HMCN1: variants seen among roughly 807,000 people sequenced by gnomAD.
The protein encoded by HMCN1 is hemicentin-1.
A neutral mutation model predicts 625.9 loss-of-function variants in HMCN1; 321 were observed. That is an observed-to-expected ratio of 0.51 (90% CI 0.47 to 0.56). HMCN1 has a LOEUF of 0.56. HMCN1 is among the 20% of genes least tolerant of loss of function. The pLI, the probability that HMCN1 is intolerant of heterozygous loss-of-function variation, is 0.00. For missense variants in HMCN1, 6,588 were observed against 6,887.3 expected, an observed-to-expected ratio of 0.96 and a Z score of 1.54; for synonymous variants, 2,425 against 2,417.6, an observed-to-expected ratio of 1.00 and a Z score of -0.09.
intron 5 of HMCN1, among the ~76,000 whole-genome samples, chr1:185,911,021 A>G (rs1666387051): frequency 6.6e-6 from 1 of 152,156 alleles, no homozygotes; most frequent in Non-Finnish European, 1.5e-5. Flanking sequence ...TCAGTAGGCA[A>G]TGGTATCATG....
intron 42 of HMCN1, 31 bp from the exon 43 acceptor site, chr1:186,052,921 G>A (rs775135596): frequency 1.5e-5 from 24 of 1,556,564 alleles, no homozygotes; most frequent in Middle Eastern, 1.7e-4. Flanking sequence ...TATGAAATGA[G>A]TGGAAAAATC....
At chr1:186,188,554 T>C (rs1198076353) in intron 106 of HMCN1, among the ~76,000 whole-genome samples, 1 of 152,174 alleles carries the variant, frequency 6.6e-6, no homozygotes, top group Admixed American at 6.5e-5. Flanking sequence ...CTGTTTTCTC[T>C]CTCCCCTTCC....
intron 46 of HMCN1, among the ~76,000 whole-genome samples, chr1:186,059,410 G>A (rs977890980): frequency 6.6e-6 from 1 of 152,024 alleles, no homozygotes; most frequent in African/African-American, 2.4e-5. Flanking sequence ...AGTGAAAAAG[G>A]CAAGCTAAAG....
At chr1:186,136,350 G>A (rs957080482) in intron 86 of HMCN1, among the ~76,000 whole-genome samples, 1 of 152,166 alleles carries the variant, frequency 6.6e-6, no homozygotes, top group African/African-American at 2.4e-5. Flanking sequence ...ATCCTCTGAA[G>A]TAGGCACCAT....
chr1:185,747,183 G>A (rs1337722754), intron 1 of HMCN1, among the ~76,000 whole-genome samples: 1 of 152,060 alleles, frequency 6.6e-6, no homozygotes, highest in Non-Finnish European at 1.5e-5. Flanking sequence ...ATTTGCATTA[G>A]GGACTATCAT....
intron 1 of HMCN1, among the ~76,000 whole-genome samples, chr1:185,810,680 G>T (rs188769352): frequency 1.3e-5 from 2 of 151,988 alleles, no homozygotes; most frequent in Admixed American, 1.3e-4. Flanking sequence ...GTGTGTGTGT[G>T]TGTGTGTGTA....
At chr1:186,087,177 C>A in intron 58 of HMCN1, 40 bp from the exon 59 acceptor site, 1 of 1,247,786 alleles carries the variant, frequency 8.0e-7, no homozygotes, top group Non-Finnish European at 1.2e-6. Flanking sequence ...TTAGAACAAC[C>A]TGTATACCAC....
intron 3 of HMCN1, among the ~76,000 whole-genome samples, chr1:185,865,312 C>T (rs1273125778): frequency 6.6e-6 from 1 of 152,098 alleles, no homozygotes; most frequent in Admixed American, 6.6e-5. Flanking sequence ...TCATTTTTGC[C>T]TCATGCTATT....
chr1:186,034,469 G>A (rs1274586525), intron 36 of HMCN1, among the ~76,000 whole-genome samples: 1 of 152,148 alleles, frequency 6.6e-6, no homozygotes, highest in Non-Finnish European at 1.5e-5. Context: ...GAAAAGGTTT[G>A]CACTGACAGA....
chr1:185,963,079 T>G (rs1650143220), intron 12 of HMCN1, among the ~76,000 whole-genome samples: 1 of 152,172 alleles, frequency 6.6e-6, no homozygotes, highest in South Asian at 2.1e-4. Flanking sequence ...GTTCAGACAT[T>G]CTTTGTCATT....
intron 64 of HMCN1, among the ~76,000 whole-genome samples, chr1:186,091,138 T>C (rs1659820567): frequency 6.6e-6 from 1 of 152,030 alleles, no homozygotes; most frequent in Admixed American, 6.6e-5. Context: ...GTTAACTCTG[T>C]AATGTTAATT....
chr1:185,775,909 A>G (rs1000121807), intron 1 of HMCN1, among the ~76,000 whole-genome samples: 1 of 152,150 alleles, frequency 6.6e-6, no homozygotes, highest in Admixed American at 6.6e-5. Flanking sequence ...GTGATACTCA[A>G]CCTCTGCTGT....
At chr1:186,009,055 A>G (rs1165668047) in intron 30 of HMCN1, among the ~76,000 whole-genome samples, 1 of 152,224 alleles carries the variant, frequency 6.6e-6, no homozygotes, top group Non-Finnish European at 1.5e-5. Flanking sequence ...AAGATTAACT[A>G]TACAAGCATC....
chr1:186,179,953 TTCTG>T (rs1269215181), intron 104 of HMCN1, among the ~76,000 whole-genome samples: 1 of 152,122 alleles, frequency 6.6e-6, no homozygotes, highest in Non-Finnish European at 1.5e-5. Flanking sequence ...TCCAGCACTT[TTCTG>T]TCTTTTTTAC....
rs553221563 is a variant in HMCN1 at position 185,928,727 on chromosome 1, T to A, written c.1552+60T>A. ...TATTAATGCAGCTATGGAAATGGGA[T>A]GTTTGTTAACCAGTTTGTGTTTATA... is the stretch of plus-strand genomic sequence containing the variant. On this transcript the variant is annotated intron_variant, in intron 10 of 106. Coordinates refer to ENST00000271588, the MANE Select transcript of HMCN1 (RefSeq NM_031935.3). 3.2e-6 allele frequency: 5 copies of A among 1,557,352 alleles called. No individual in the cohort carries two copies. In the African/African-American group the frequency reaches 6.8e-5, roughly 21 times the overall value.
intron 52 of HMCN1, among the ~76,000 whole-genome samples, chr1:186,072,790 T>A (rs538424788): frequency 6.6e-6 from 1 of 152,176 alleles, no homozygotes; most frequent in Non-Finnish European, 1.5e-5. Flanking sequence ...ACAGAAAATG[T>A]GAGCAGAAGA....
At chr1:186,018,584 G>A (rs1291372711) in intron 34 of HMCN1, among the ~76,000 whole-genome samples, 2 of 151,988 alleles carry the variant, frequency 1.3e-5, no homozygotes, top group East Asian at 3.9e-4. Context: ...ATAACTCTGG[G>A]AAATAAATAA....
At chr1:185,954,225 T>A (rs1457136454) in intron 11 of HMCN1, among the ~76,000 whole-genome samples, 1 of 152,164 alleles carries the variant, frequency 6.6e-6, no homozygotes, top group Non-Finnish European at 1.5e-5. Context: ...CAACCCATAA[T>A]GAAAAATATA....
chr1:186,158,223 G>A (rs1194465001), intron 97 of HMCN1, among the ~76,000 whole-genome samples: 6 of 150,282 alleles, frequency 4.0e-5, no homozygotes, highest in Non-Finnish European at 8.9e-5. Flanking sequence ...GTGTTTTTTG[G>A]CTGCATAAAT....
Sources: gnomAD v4.1 joint callset for allele counts (sites outside exome capture counted in the v4.1 genomes callset) on GRCh38, gnomAD v4.1.1 for gene constraint, MANE v1.5 for transcripts, NCBI Gene and HGNC (gene_info 2026-07-23, HGNC 2026-07-21) for gene names.